Variants in SYN2 observed in about 807,000 individuals in gnomAD.
SYN2 encodes the protein synapsin II, also known as synapsin-2.
In SYN2, 19 loss-of-function variants were observed where a neutral mutation model predicts 50.9. The observed-to-expected ratio is 0.37, with a 90% CI of 0.26 to 0.55. The LOEUF is 0.55. SYN2 is among the 20% of genes least tolerant of loss of function. The pLI is 0.81. For missense variants in SYN2, 587 were observed against 576.4 expected (o/e 1.02, Z -0.19); for synonymous variants, 255 against 224.9 (o/e 1.13, Z -1.20).
chr3:12,065,528 AT>A (rs1695198120), intron 1 of SYN2, among the ~76,000 whole-genome samples: 1 of 152,238 alleles, frequency 6.6e-6, no homozygotes, highest in Non-Finnish European at 1.5e-5. Context: ...ATAAAAAGGA[AT>A]GAAATTATGT....
At chr3:12,188,981 G>C (rs746579000) in intron 12 of SYN2, among the ~76,000 whole-genome samples, 2 of 152,234 alleles carry the variant, frequency 1.3e-5, no homozygotes, top group African/African-American at 4.8e-5. Context: ...TACTCTGCCT[G>C]TGCGGGCTGA....
intron 1 of SYN2, among the ~76,000 whole-genome samples, chr3:12,049,480 C>G (rs1287667612): frequency 1.3e-5 from 2 of 151,374 alleles, no homozygotes; most frequent in Admixed American, 1.3e-4. Context: ...CATTGTGCCA[C>G]TGCATTGCAG....
chr3:12,066,619 A>G (rs993128739), intron 1 of SYN2, among the ~76,000 whole-genome samples: 4 of 152,154 alleles, frequency 2.6e-5, no homozygotes, highest in Non-Finnish European at 4.4e-5. Context: ...ACATTTGTGT[A>G]CTTATATCAG....
intron 1 of SYN2, among the ~76,000 whole-genome samples, chr3:12,109,902 G>C (rs1474235694): frequency 6.6e-6 from 1 of 152,120 alleles, no homozygotes; most frequent in Non-Finnish European, 1.5e-5. Context: ...TTTTAAAATA[G>C]TGATATACTG....
Position 12,004,388 on chromosome 3 carries a change from A to C in SYN2, c.-164A>C. ...TCGCGCCGCGCGGGTTGCCTGGCCCAGACCGCCGCTGCTGTCTGCGGGGTC... is the reference window on the plus strand; with the variant it reads ...TCGCGCCGCGCGGGTTGCCTGGCCCCGACCGCCGCTGCTGTCTGCGGGGTC... On this transcript the variant is annotated 5_prime_UTR_variant, in exon 1 of 13. Transcript: ENST00000621198. The C allele has an allele frequency of 5.5e-6, 1 of 182,096 alleles. No individual in the cohort carries two copies. The highest frequency in any genetic ancestry group is 1.1e-5 in the Non-Finnish European group (1 of 88,980). The allele number at this position is 182,096 out of a possible 1,614,324, so 11.3% of individuals were successfully genotyped here.
Position 12,190,832 on chromosome 3 carries a change from G to C in SYN2, c.*207G>C, listed in dbSNP as rs1698431648. 7.5e-7 allele frequency: 1 copy of C among 1,334,838 alleles called. No homozygotes were observed. Among genetic ancestry groups the C allele is most frequent in the Admixed American group, 3.9e-5 (1 of 25,514 alleles). 82.7% of individuals were successfully genotyped at this position (1,334,838 alleles called of 1,614,324 possible). On this transcript the variant is annotated 3_prime_UTR_variant, in exon 13 of 13. Transcript: ENST00000621198. ...GGTGCCTACCCAGCAAGGGGTACCTGGCATCAGAGAGGAAAGAGCTGCTTC... is the reference window on the plus strand; with the variant it reads ...GGTGCCTACCCAGCAAGGGGTACCTCGCATCAGAGAGGAAAGAGCTGCTTC...
At chr3:12,153,559 G>T (rs1048446494) in intron 5 of SYN2, 2 of 1,613,940 alleles carry the variant, frequency 1.2e-6, no homozygotes, top group East Asian at 2.2e-5. Context: ...AGAGGCAGGT[G>T]GCCCCGGTAC....
intron 4 of SYN2, 72 bp from the exon 5 acceptor site, chr3:12,151,165 T>C (rs1697277646): frequency 9.4e-7 from 1 of 1,065,088 alleles, no homozygotes; most frequent in Non-Finnish European, 1.4e-6. Context: ...CAATAAATAT[T>C]TGATGAGTTG....
intron 5 of SYN2, among the ~76,000 whole-genome samples, chr3:12,159,975 G>A (rs1454138494): frequency 1.3e-5 from 2 of 150,598 alleles, no homozygotes; most frequent in Non-Finnish European, 3.0e-5. Context: ...CCCAGGAGGC[G>A]GAGGTTGAAG....
intron 1 of SYN2, among the ~76,000 whole-genome samples, chr3:12,037,956 T>C (rs140212191): frequency 6.6e-6 from 1 of 152,352 alleles, no homozygotes; most frequent in East Asian, 1.9e-4. Context: ...GTGTTTTTTG[T>C]GTATATCTAA....
intron 1 of SYN2, among the ~76,000 whole-genome samples, chr3:12,100,468 A>G (rs1373934648): frequency 6.6e-6 from 1 of 152,338 alleles, no homozygotes; most frequent in Non-Finnish European, 1.5e-5. Flanking sequence ...CTCATACTAT[A>G]TACAAAAATT....
chr3:12,153,845 A>G, intron 5 of SYN2: 4 of 965,668 alleles, frequency 4.1e-6, no homozygotes, highest in Non-Finnish European at 6.2e-6. Context: ...CCCAGTCCCC[A>G]GTCTTCTCCT....
intron 1 of SYN2, among the ~76,000 whole-genome samples, chr3:12,132,664 A>C (rs1032721955): frequency 1.3e-5 from 2 of 152,156 alleles, no homozygotes; most frequent in Admixed American, 6.5e-5. Context: ...TACTTTCATC[A>C]TGTCACTTTT....
chr3:12,071,423 C>T, intron 1 of SYN2: 2 of 529,488 alleles, frequency 3.8e-6, no homozygotes, highest in Admixed American at 2.0e-5. Context: ...GTATAAATTG[C>T]CCCTGGCAAA....
rs1007115545 is a variant in SYN2 at position 12,024,142 on chromosome 3, T to C, written c.377+19214T>C. On this transcript the variant is annotated intron_variant, in intron 1 of 12. Coordinates refer to ENST00000621198, the MANE Select transcript of SYN2 (RefSeq NM_133625.6). ...CGCCTGCTAAGCCTTCTGTCCATCA[T>C]TACTTCCTTTTTTTTTTTTTTTTTT... 3.4e-5 allele frequency among the ~76,000 whole-genome samples: 5 copies of C among 146,862 alleles called. No individual in the cohort carries two copies. The South Asian group carries it at 1.1e-3, about 32-fold the overall frequency.
chr3:12,094,770 C>T (rs748935634), intron 1 of SYN2, among the ~76,000 whole-genome samples: 1 of 152,086 alleles, frequency 6.6e-6, no homozygotes, highest in African/African-American at 2.4e-5. Flanking sequence ...GGTTATGATG[C>T]ACAAGGAGAG....
At chr3:12,177,061 T>C (rs2125249931) in intron 10 of SYN2, among the ~76,000 whole-genome samples, 1 of 152,306 alleles carries the variant, frequency 6.6e-6, no homozygotes. Context: ...TGTGCAGCCA[T>C]GGGACCTGGA....
At position 12,091,834 on chromosome 3, in the gene SYN2, A is replaced by T. The variant is rs538629742; in HGVS notation, c.378-48817A>T. 2.0e-5 allele frequency among the ~76,000 whole-genome samples: 3 copies of T among 152,298 alleles called. No individual in the cohort carries two copies. The South Asian group carries it at 6.2e-4, about 32-fold the overall frequency. On this transcript the variant is annotated intron_variant, in intron 1 of 12. Coordinates refer to ENST00000621198, the MANE Select transcript of SYN2 (RefSeq NM_133625.6). ...ACCACCAAATAAATGTAAGCAGCCTATGTACAACTGTTTTCTATAAAGACT... is the reference window on the plus strand; with the variant it reads ...ACCACCAAATAAATGTAAGCAGCCTTTGTACAACTGTTTTCTATAAAGACT...
chr3:12,104,187 C>T (rs960180932), intron 1 of SYN2, among the ~76,000 whole-genome samples: 4 of 152,116 alleles, frequency 2.6e-5, no homozygotes, highest in Non-Finnish European at 4.4e-5. Context: ...AGCTGGAGTA[C>T]AGTGGCATGA....
Sources: allele counts gnomAD v4.1 joint callset (sites outside exome capture counted in the v4.1 genomes callset), GRCh38; gene constraint gnomAD v4.1.1; transcripts MANE v1.5; gene names NCBI Gene and HGNC (gene_info 2026-07-23, HGNC 2026-07-21).